The following FRMD4A variants were observed in gnomAD, a reference collection of about 807,000 sequenced individuals.
The protein encoded by FRMD4A is FERM domain-containing protein 4A.
In FRMD4A, 29 loss-of-function variants were observed where a neutral mutation model predicts 129.1. The observed-to-expected ratio is 0.22, with a 90% CI of 0.17 to 0.31. FRMD4A has a LOEUF of 0.31. FRMD4A is among the 10% of genes least tolerant of loss of function. The pLI, the probability that FRMD4A is intolerant of heterozygous loss-of-function variation, is 1.00. For synonymous variants in FRMD4A, 634 were observed against 571.6 expected, an observed-to-expected ratio of 1.11 and a Z score of -1.56; for missense variants, 1,272 against 1,375.8, an observed-to-expected ratio of 0.92 and a Z score of 1.19.
intron 23 of FRMD4A, chr10:13,654,152 C>T (rs1330897401): frequency 1.1e-5 from 6 of 557,052 alleles, no homozygotes; most frequent in Admixed American, 9.9e-5. Context: ...AGCACAGTCC[C>T]ACTTCGTGCT....
intron 2 of FRMD4A, among the ~76,000 whole-genome samples, chr10:13,913,577 G>C (rs904231861): frequency 2.6e-5 from 4 of 152,068 alleles, no homozygotes; most frequent in African/African-American, 9.7e-5. Context: ...TTCACATAAG[G>C]GTCCAGCCAC....
chr10:14,029,464 T>A (rs1280886687), intron 2 of FRMD4A, among the ~76,000 whole-genome samples: 1 of 152,202 alleles, frequency 6.6e-6, no homozygotes, highest in Admixed American at 6.5e-5. Flanking sequence ...TCAGTTCATA[T>A]CAACCAATCT....
intron 2 of FRMD4A, among the ~76,000 whole-genome samples, chr10:14,220,030 T>G (rs1843197763): frequency 6.6e-6 from 1 of 152,224 alleles, no homozygotes; most frequent in African/African-American, 2.4e-5. Flanking sequence ...GAAGCAGTTT[T>G]CATGCCAGGG....
chr10:14,030,615 T>TAAA (rs1833193301), intron 2 of FRMD4A, among the ~76,000 whole-genome samples: 1 of 152,220 alleles, frequency 6.6e-6, no homozygotes, highest in African/African-American at 2.4e-5. Context: ...GCTGCCTGTC[T>TAAA]GGGTCTAGTT....
chr10:13,893,251 G>A (rs1356758771), intron 2 of FRMD4A, among the ~76,000 whole-genome samples: 1 of 152,112 alleles, frequency 6.6e-6, no homozygotes, highest in Non-Finnish European at 1.5e-5. Flanking sequence ...TGCCCAGGCT[G>A]GTCTTAACTA....
chr10:13,791,385 C>T (rs1052671068), intron 5 of FRMD4A, among the ~76,000 whole-genome samples: 12 of 130,584 alleles, frequency 9.2e-5, no homozygotes, highest in East Asian at 2.4e-4. Context: ...CTCAGAAGCT[C>T]GGGGGTAGAA....
intron 2 of FRMD4A, among the ~76,000 whole-genome samples, chr10:13,898,925 G>A (rs759338983): frequency 2.9e-4 from 44 of 152,276 alleles, no homozygotes; most frequent in Middle Eastern, 3.4e-3. Context: ...GCTCACACCT[G>A]TAATTCCAGC....
chr10:14,263,578 C>T (rs567976614), intron 2 of FRMD4A, among the ~76,000 whole-genome samples: 79 of 152,240 alleles, frequency 5.2e-4, no homozygotes, highest in Admixed American at 1.6e-3. Flanking sequence ...TCTCTTCTCC[C>T]ATCACAAACT....
chr10:13,838,091 TTTATTTAG>T (rs1479968836), intron 3 of FRMD4A, among the ~76,000 whole-genome samples: 2 of 152,108 alleles, frequency 1.3e-5, no homozygotes, highest in African/African-American at 2.4e-5. Context: ...GTGCTATCTC[TTTATTTAG>T]TTATTTAGAG....
chr10:13,750,544 A>G, intron 8 of FRMD4A, among the ~76,000 whole-genome samples: 1 of 152,224 alleles, frequency 6.6e-6, no homozygotes, highest in East Asian at 1.9e-4. Flanking sequence ...GCTCTGATGT[A>G]AGACTGGCTT....
At chr10:13,836,378 C>A (rs1410953824) in intron 3 of FRMD4A, among the ~76,000 whole-genome samples, 1 of 152,204 alleles carries the variant, frequency 6.6e-6, no homozygotes, top group Non-Finnish European at 1.5e-5. Context: ...ACATTTTGGT[C>A]ACACCACAGC....
At chr10:14,179,689 T>C (rs968919852) in intron 2 of FRMD4A, among the ~76,000 whole-genome samples, 1 of 152,250 alleles carries the variant, frequency 6.6e-6, no homozygotes, top group Non-Finnish European at 1.5e-5. Context: ...AAAAATTATA[T>C]AGCGATTAAC....
At chr10:13,652,209 G>A in intron 23 of FRMD4A, 1 of 574,316 alleles carries the variant, frequency 1.7e-6, no homozygotes, top group South Asian at 2.1e-5. Flanking sequence ...GCCTCATTTT[G>A]TATCACATCA....
chr10:14,318,632 A>G (rs1846846994), intron 2 of FRMD4A, among the ~76,000 whole-genome samples: 1 of 145,676 alleles, frequency 6.9e-6, no homozygotes, highest in Non-Finnish European at 1.5e-5. Flanking sequence ...AAAAAAAATG[A>G]CTCCTTCAGA....
intron 8 of FRMD4A, among the ~76,000 whole-genome samples, chr10:13,758,764 G>A (rs1007255164): frequency 1.3e-5 from 2 of 151,992 alleles, no homozygotes; most frequent in African/African-American, 2.4e-5. Flanking sequence ...TTTCCTGGTC[G>A]TGAGACAAGA....
intron 2 of FRMD4A, among the ~76,000 whole-genome samples, chr10:14,089,919 T>C (rs191576400): frequency 1.3e-5 from 2 of 152,316 alleles, no homozygotes; most frequent in East Asian, 3.9e-4. Context: ...GTATATATTG[T>C]ACAGATTTTT....
At chr10:13,824,469 G>A (rs184130647) in intron 3 of FRMD4A, among the ~76,000 whole-genome samples, 211 of 151,960 alleles carry the variant, frequency 1.4e-3, no homozygotes, top group African/African-American at 4.8e-3. Context: ...CAGCCCGGGT[G>A]ACAGAGCAAG....
intron 2 of FRMD4A, among the ~76,000 whole-genome samples, chr10:13,919,684 T>C (rs1460650933): frequency 3.9e-5 from 6 of 152,164 alleles, no homozygotes; most frequent in African/African-American, 1.4e-4. Context: ...AAGCCTGTAA[T>C]CCCAGCACTT....
At chr10:13,970,730 C>T (rs988527934) in intron 2 of FRMD4A, among the ~76,000 whole-genome samples, 4 of 152,178 alleles carry the variant, frequency 2.6e-5, no homozygotes, top group Non-Finnish European at 2.9e-5. Flanking sequence ...CAATCTGGGT[C>T]CTCTCAGGCG....
Sources: allele counts gnomAD v4.1 joint callset (sites outside exome capture counted in the v4.1 genomes callset), GRCh38; gene constraint gnomAD v4.1.1; transcripts MANE v1.5; gene names NCBI Gene and HGNC (gene_info 2026-07-23, HGNC 2026-07-21).